Variants in ATP6V0A2 observed in about 807,000 individuals in gnomAD.
ATP6V0A2 encodes ATPase H+ transporting V0 subunit a2, also known as V-type proton ATPase 116 kDa subunit a 2.
ATP6V0A2 carries 58 observed loss-of-function variants against 104.4 expected under a neutral mutation model. The ratio of observed to expected loss-of-function variants is 0.56; its 90% CI spans 0.45 to 0.69. The LOEUF (loss-of-function observed/expected upper bound fraction) is 0.69. Among genes scored for constraint, ATP6V0A2 ranks in the 30% least tolerant of loss-of-function variants. ATP6V0A2 has a pLI of 0.00. For missense variants in ATP6V0A2, 938 were observed against 1,062.9 expected, an observed-to-expected ratio of 0.88 and a Z score of 1.63; for synonymous variants, 376 against 397.9, an observed-to-expected ratio of 0.95 and a Z score of 0.65.
rs1956638453 is a variant in ATP6V0A2 at position 123,744,324 on chromosome 12, A to T, written c.1313A>T (p.Asn438Ile). The T allele has an allele frequency of 6.2e-7, 1 of 1,614,072 alleles. No homozygotes were observed. Among genetic ancestry groups the T allele is most frequent in the Non-Finnish European group, 8.5e-7 (1 of 1,180,052 alleles). The change falls in exon 11 of 20, where the codon AAT becomes ATT. Residue 438 changes from asparagine (N) to isoleucine (I), a missense_variant. Physicochemically the swap from Asn to Ile is moderately radical, Grantham distance 149 (BLOSUM62 -3). Coordinates refer to ENST00000330342, the MANE Select transcript of ATP6V0A2 (RefSeq NM_012463.4). This position sits in a 1 kb window ranked among gnomAD's most constrained non-coding sequence, Gnocchi z 5.4. ...LVLNENHPRL[N>I]QSQEIMRMFF... ...TTAAATGAAAATCATCCCAGACTAA[A>T]TCAGTCACAAGAGGTAAAAATATAA...
chr12:123,726,496 C>G (rs552881461), intron 5 of ATP6V0A2, among the ~76,000 whole-genome samples: 113 of 152,284 alleles, frequency 7.4e-4, no homozygotes, highest in Non-Finnish European at 1.5e-3. Flanking sequence ...ATGGAAATTT[C>G]TTTTGGTATA....
chr12:123,754,998 A>G (rs1010033252), intron 18 of ATP6V0A2, among the ~76,000 whole-genome samples: 5 of 152,300 alleles, frequency 3.3e-5, no homozygotes, highest in Admixed American at 6.5e-5. Flanking sequence ...CCTTTGCACA[A>G]TTCCAGTAAT....
In ATP6V0A2 at chr12:123,744,489, G is replaced by A; in HGVS notation, c.1327-108G>A. ...TGCGGCTGACAGGGATGTCTGCGGG[G>A]CGAGGCTGTTTTCTGAGAAGTGAGT... On this transcript the variant is annotated intron_variant, in intron 11 of 19. Coordinates refer to ENST00000330342, the MANE Select transcript of ATP6V0A2 (RefSeq NM_012463.4). The surrounding 1 kb of genome is among the most constrained non-coding windows in gnomAD (Gnocchi z 5.4). The A allele has an allele frequency of 6.4e-7, 1 of 1,567,694 alleles. No individual in the cohort carries two copies. The highest frequency in any genetic ancestry group is 8.7e-7 in the Non-Finnish European group (1 of 1,143,574).
intron 18 of ATP6V0A2, among the ~76,000 whole-genome samples, chr12:123,755,581 C>G (rs139227215): frequency 2.6e-4 from 39 of 147,712 alleles, no homozygotes; most frequent in African/African-American, 9.0e-4. Context: ...GACAATTTGG[C>G]AAGTATTAGG....
At chr12:123,735,386 G>A (rs933701627) in intron 7 of ATP6V0A2, 145 bp from the exon 8 acceptor site, 7 of 731,858 alleles carry the variant, frequency 9.6e-6, no homozygotes, top group African/African-American at 5.2e-5. Context: ...TGCACAGCCC[G>A]ACCAAGGGCA....
intron 6 of ATP6V0A2, chr12:123,733,398 T>A (rs1390826085): frequency 6.6e-6 from 1 of 152,530 alleles, no homozygotes; most frequent in Admixed American, 6.5e-5. Flanking sequence ...GTACGGGAGT[T>A]GAGTCATTTA....
rs2333834 is a variant in ATP6V0A2 at position 123,761,457 on chromosome 12, G to A, written c.*3425G>A. The A allele has an allele frequency of 0.54, 81,957 of 152,024 alleles. 24,058 individuals are homozygous for A. Among genetic ancestry groups the A allele is most frequent in the East Asian group, 0.94 (4,864 of 5,174 alleles). The allele number at this position is 152,024 out of a possible 1,614,324, so 9.4% of individuals were successfully genotyped here. ...TGAAGCTGTCAAATCAAGATGATGG[G>A]AATAAGGCAGTTTGAACGAACAGTC... On this transcript the variant is annotated 3_prime_UTR_variant, in exon 20 of 20. Coordinates refer to ENST00000330342, the MANE Select transcript of ATP6V0A2 (RefSeq NM_012463.4).
intron 16 of ATP6V0A2, among the ~76,000 whole-genome samples, chr12:123,751,828 A>G (rs1462680502): frequency 2.1e-5 from 3 of 143,108 alleles, no homozygotes; most frequent in Admixed American, 1.4e-4. Flanking sequence ...CTTCTTTAAG[A>G]TTTTCTTTTT....
chr12:123,725,338 C>G (rs542627200), intron 4 of ATP6V0A2, among the ~76,000 whole-genome samples: 4 of 151,940 alleles, frequency 2.6e-5, no homozygotes, highest in Admixed American at 1.3e-4. Flanking sequence ...TCAGCAATTA[C>G]AATACTAAAT....
At chr12:123,752,158 C>T in intron 16 of ATP6V0A2, 125 bp from the exon 17 acceptor site, 1 of 1,308,196 alleles carries the variant, frequency 7.6e-7, no homozygotes, top group Non-Finnish European at 1.1e-6. Flanking sequence ...CTGTGCCTAG[C>T]CTAAAGAACT....
intron 13 of ATP6V0A2, among the ~76,000 whole-genome samples, chr12:123,746,915 A>C (rs2135912851): frequency 6.6e-6 from 1 of 152,058 alleles, no homozygotes; most frequent in East Asian, 1.9e-4. Context: ...CCTGGTTGAC[A>C]GAGCGAGACT....
chr12:123,752,412 T>C lies in ATP6V0A2; in HGVS notation c.2175+10T>C, dbSNP rs138724268. 2.9e-5 allele frequency: 47 copies of C among 1,613,940 alleles called. No homozygotes were observed. In the African/African-American group the frequency reaches 5.7e-4, roughly 20 times the overall value. On this transcript the variant is annotated intron_variant, in intron 17 of 19. Transcript: ENST00000330342. ...AATGGCGTGTGAAGAGGTAAATCTTTTCAACTGCTATTGATAAACTTAGAT... is the reference window on the plus strand; with the variant it reads ...AATGGCGTGTGAAGAGGTAAATCTTCTCAACTGCTATTGATAAACTTAGAT...
Position 123,724,734 on chromosome 12 carries a change from G to C in ATP6V0A2, c.375G>C (p.Leu125=), listed in dbSNP as rs937389279. The change falls in exon 4 of 20, where the codon CTG becomes CTC. Residue 125 remains leucine, a synonymous_variant. Coordinates refer to ENST00000330342, the MANE Select transcript of ATP6V0A2 (RefSeq NM_012463.4). The part of the protein sequence containing the change: ...KEKLRKNLLE[L]IEYTHMLRVT... Reference sequence around the variant, plus strand: ...AACTGAGGAAAAACTTGCTGGAACTGATAGAGTACACTCACATGCTGAGAG... The same window carrying C: ...AACTGAGGAAAAACTTGCTGGAACTCATAGAGTACACTCACATGCTGAGAG... The C allele has an allele frequency of 5.0e-6, 8 of 1,613,698 alleles. No individual in the cohort carries two copies. Among genetic ancestry groups the C allele is most frequent in the Non-Finnish European group, 6.8e-6 (8 of 1,179,870 alleles).
At position 123,756,894 on chromosome 12, in the gene ATP6V0A2, C is replaced by G; in HGVS notation, c.2373C>G (p.Leu791=). 6.2e-7 allele frequency: 1 copy of G among 1,614,224 alleles called. No individual in the cohort carries two copies. Among genetic ancestry groups the G allele is most frequent in the East Asian group, 2.2e-5 (1 of 44,888 alleles). ...CCACCTATGGCGTCTTGCTACTGCT[C>G]CCGGTTATCGCGCTCTTTGCAGTTT... ...VDTTYGVLLL[L]PVIALFAVLT... is the part of the protein sequence containing the mutation. The change falls in exon 19 of 20, where the codon CTC becomes CTG. Residue 791 remains leucine, a synonymous_variant. Coordinates refer to ENST00000330342, the MANE Select transcript of ATP6V0A2 (RefSeq NM_012463.4).
In ATP6V0A2 at chr12:123,761,595, G is replaced by C. The variant is rs556596882; in HGVS notation, c.*3563G>C. 1 of 152,180 alleles carries C rather than the reference G, an allele frequency of 6.6e-6. No individual in the cohort carries two copies. Among genetic ancestry groups the C allele is most frequent in the African/African-American group, 2.4e-5 (1 of 41,446 alleles). 9.4% of individuals were successfully genotyped at this position (152,180 alleles called of 1,614,324 possible). A position where few individuals can be genotyped will look rare whatever the true frequency, so the allele number is the denominator to read the frequency against. On this transcript the variant is annotated 3_prime_UTR_variant, in exon 20 of 20. Transcript: ENST00000330342. ...TAAGAAGGCTAGGTAGGTTCTTAGG[G>C]TTAGCCTGAGTCATCTAGGGGCTCA...
chr12:123,746,666 G>A (rs968947779), intron 13 of ATP6V0A2, among the ~76,000 whole-genome samples: 2 of 144,882 alleles, frequency 1.4e-5, no homozygotes, highest in African/African-American at 5.2e-5. Context: ...AAAAAAAAAG[G>A]TTGGGCGCGG....
At chr12:123,742,148 C>T (rs1039214806) in intron 9 of ATP6V0A2, among the ~76,000 whole-genome samples, 38 of 152,254 alleles carry the variant, frequency 2.5e-4, no homozygotes, top group African/African-American at 8.7e-4. Context: ...CTGCAGACTT[C>T]ACTGCCCATG....
intron 2 of ATP6V0A2, among the ~76,000 whole-genome samples, chr12:123,720,011 C>G (rs1956383586): frequency 6.6e-6 from 1 of 152,180 alleles, no homozygotes; most frequent in Non-Finnish European, 1.5e-5. Context: ...GAGCAGCCGG[C>G]AGGTTCAATA....
At chr12:123,757,770 G>A (rs1374811538) in intron 19 of ATP6V0A2, among the ~76,000 whole-genome samples, 157 bp from the exon 20 acceptor site, 5 of 152,118 alleles carry the variant, frequency 3.3e-5, no homozygotes, top group African/African-American at 7.2e-5. Flanking sequence ...TTGGGGGTGC[G>A]GGGCAGTGTT....
Sources: gnomAD v4.1 joint callset for allele counts (sites outside exome capture counted in the v4.1 genomes callset) on GRCh38, gnomAD v4.1.1 for gene constraint, Gnocchi (gnomAD v3.1) non-coding constraint, MANE v1.5 for transcripts, NCBI Gene and HGNC (gene_info 2026-07-23, HGNC 2026-07-21) for gene names.